The following ARHGEF28 variants were observed in gnomAD, a reference collection of about 807,000 sequenced individuals.
The protein encoded by ARHGEF28 is 190 kDa guanine nucleotide exchange factor.
A neutral mutation model predicts 206.6 loss-of-function variants in ARHGEF28; 152 were observed. The observed-to-expected ratio is 0.74, with a 90% CI of 0.64 to 0.84. The LOEUF is 0.84. Among genes scored for constraint, ARHGEF28 ranks in the 40% least tolerant of loss-of-function variants. The pLI is 0.00. For synonymous variants in ARHGEF28, 763 were observed against 776.4 expected (o/e 0.98, Z 0.29); for missense variants, 2,028 against 2,073.2 (o/e 0.98, Z 0.42).
At chr5:73,874,590 C>A (rs1303765351) in intron 22 of ARHGEF28, among the ~76,000 whole-genome samples, 1 of 126,258 alleles carries the variant, frequency 7.9e-6, no homozygotes, top group Non-Finnish European at 1.6e-5. Flanking sequence ...CACAACAGTC[C>A]CCAGAGTGTG....
Position 73,677,321 on chromosome 5 carries a change from C to T in ARHGEF28, c.-11-7520C>T, listed in dbSNP as rs571307992. 2.0e-5 allele frequency among the ~76,000 whole-genome samples: 3 copies of T among 152,278 alleles called. No homozygotes were observed. In the East Asian group the frequency reaches 5.8e-4, roughly 29 times the overall value. ...GACTTCCCATATATTCCTTTCAAGG[C>T]TGCTATGAGGATCATCTGAGATGAT... On this transcript the variant is annotated intron_variant, in intron 1 of 35. Coordinates refer to ENST00000513042, the MANE Select transcript of ARHGEF28 (RefSeq NM_001177693.2).
At chr5:73,834,542 C>CTCTGTGTGTGTGTGTG (rs1455818141) in intron 10 of ARHGEF28, among the ~76,000 whole-genome samples, 34 of 146,324 alleles carry the variant, frequency 2.3e-4, no homozygotes, top group African/African-American at 7.9e-4. Context: ...AATAATATTC[C>CTCTGTGTGTGTGTGTG]TGTGTGTGTG....
rs534817124 is a variant in ARHGEF28 at position 73,801,092 on chromosome 5, G to A, written c.1024+5701G>A. On this transcript the variant is annotated intron_variant, in intron 9 of 35. Transcript: ENST00000513042. ...CCAAAAGTTCTTATATTAACTAAAA[G>A]TGCTATTATAAAGTAGCACTTGTAA... Among the ~76,000 whole-genome samples, 46 of 152,288 alleles carry A rather than the reference G, an allele frequency of 3.0e-4. 1 individual carries two copies. The highest frequency in any genetic ancestry group is 6.8e-3 in the Middle Eastern group (2 of 294).
intron 14 of ARHGEF28, 131 bp downstream of exon 14, chr5:73,852,823 T>G: frequency 1.1e-6 from 1 of 940,980 alleles, no homozygotes; most frequent in Non-Finnish European, 1.7e-6. Flanking sequence ...TAAGACCCTT[T>G]GCTCCCTCTG....
intron 7 of ARHGEF28, among the ~76,000 whole-genome samples, chr5:73,782,236 C>T (rs62357722): frequency 0.044 from 6,739 of 151,580 alleles, 269 homozygotes; most frequent in Admixed American, 0.12. Flanking sequence ...GTCGGGGGTT[C>T]GAGACCAGCC....
intron 9 of ARHGEF28, among the ~76,000 whole-genome samples, chr5:73,806,083 T>C (rs1380238042): frequency 6.6e-6 from 1 of 151,486 alleles, no homozygotes; most frequent in Non-Finnish European, 1.5e-5. Context: ...CAATATAAAA[T>C]AGTTAACTTA....
intron 16 of ARHGEF28, among the ~76,000 whole-genome samples, chr5:73,859,497 A>G (rs371394599): frequency 5.3e-5 from 8 of 152,248 alleles, no homozygotes; most frequent in African/African-American, 1.9e-4. Context: ...TACAATCCAC[A>G]TATGACATTA....
chr5:73,839,253 A>C (rs1757838762), intron 10 of ARHGEF28, among the ~76,000 whole-genome samples: 1 of 152,188 alleles, frequency 6.6e-6, no homozygotes, highest in Non-Finnish European at 1.5e-5. Flanking sequence ...TTTTTAAAAA[A>C]TTATTAAGTA....
chr5:73,647,633 C>T (rs1040285776), intron 1 of ARHGEF28, among the ~76,000 whole-genome samples: 1 of 152,216 alleles, frequency 6.6e-6, no homozygotes. Flanking sequence ...GTAGGACTAG[C>T]CACATTTCAA....
chr5:73,765,688 T>C (rs946510655), intron 4 of ARHGEF28, among the ~76,000 whole-genome samples: 3 of 152,242 alleles, frequency 2.0e-5, no homozygotes, highest in African/African-American at 7.2e-5. Context: ...CTCATCTTTG[T>C]ATCCACAGGG....
chr5:73,936,002 C>T (rs1457398388), intron 35 of ARHGEF28, among the ~76,000 whole-genome samples: 1 of 152,174 alleles, frequency 6.6e-6, no homozygotes, highest in Non-Finnish European at 1.5e-5. Context: ...GAGCTAAATT[C>T]AGACCTTGAC....
intron 1 of ARHGEF28, among the ~76,000 whole-genome samples, chr5:73,651,979 G>C (rs937722080): frequency 1.3e-5 from 2 of 152,294 alleles, no homozygotes; most frequent in African/African-American, 4.8e-5. Flanking sequence ...TCGGAGACCT[G>C]TGAAGTTACC....
At chr5:73,659,357 C>T (rs755096769) in intron 1 of ARHGEF28, among the ~76,000 whole-genome samples, 15 of 152,100 alleles carry the variant, frequency 9.9e-5, no homozygotes, top group East Asian at 3.9e-4. Context: ...GGTGAAACCC[C>T]GTCTCTACTA....
intron 9 of ARHGEF28, among the ~76,000 whole-genome samples, chr5:73,828,815 C>CT (rs1295658536): frequency 6.9e-6 from 1 of 145,024 alleles, no homozygotes; most frequent in African/African-American, 2.6e-5. Flanking sequence ...CCTTCTTTTC[C>CT]TTTTTCCTTT....
At chr5:73,725,574 A>G (rs1212764348) in intron 2 of ARHGEF28, among the ~76,000 whole-genome samples, 1 of 152,234 alleles carries the variant, frequency 6.6e-6, no homozygotes, top group African/African-American at 2.4e-5. Context: ...AAGGTTAGGG[A>G]CTATCATGTT....
intron 1 of ARHGEF28, among the ~76,000 whole-genome samples, chr5:73,659,664 G>A (rs1445926716): frequency 6.6e-6 from 1 of 152,104 alleles, no homozygotes; most frequent in African/African-American, 2.4e-5. Context: ...CCTTATACAG[G>A]CATATCTTGA....
intron 14 of ARHGEF28, among the ~76,000 whole-genome samples, chr5:73,855,827 T>C (rs1758992907): frequency 1.3e-5 from 2 of 152,170 alleles, no homozygotes; most frequent in Admixed American, 6.5e-5. Context: ...GTGGAAACTG[T>C]CGTTTTTTAT....
At position 73,892,018 on chromosome 5, in the gene ARHGEF28, C is replaced by T. The variant is rs182522698; in HGVS notation, c.3388-34C>T. ...ACGGAGCCTTACTTTAGCTAGGATG[C>T]TGTTTCATCTGCTCACCTTCCTATT... On this transcript the variant is annotated intron_variant, in intron 26 of 35. Transcript: ENST00000513042. 517 of 1,565,966 alleles carry T rather than the reference C, an allele frequency of 3.3e-4. 1 individual carries two copies. In the African/African-American group the frequency reaches 6.5e-3, roughly 20 times the overall value.
intron 9 of ARHGEF28, among the ~76,000 whole-genome samples, chr5:73,800,485 G>A (rs1755064570): frequency 6.6e-6 from 1 of 151,958 alleles, no homozygotes; most frequent in Non-Finnish European, 1.5e-5. Flanking sequence ...TAATACTTCG[G>A]GTTACTTCAT....
Sources: gnomAD v4.1 joint callset for allele counts (sites outside exome capture counted in the v4.1 genomes callset) on GRCh38, gnomAD v4.1.1 for gene constraint, MANE v1.5 for transcripts, NCBI Gene and HGNC (gene_info 2026-07-23, HGNC 2026-07-21) for gene names.